GLT1D1: variants seen among roughly 807,000 people sequenced by gnomAD.
GLT1D1 encodes glycosyltransferase 1 domain containing 1.
A neutral mutation model predicts 28.7 loss-of-function variants in GLT1D1; 21 were observed. The ratio of observed to expected loss-of-function variants is 0.73; its 90% CI spans 0.52 to 1.05. The LOEUF (loss-of-function observed/expected upper bound fraction) is 1.05. GLT1D1 is among the 50% of genes least tolerant of loss of function. The probability of loss-of-function intolerance (pLI) is 0.00; values close to 1 mark genes in which losing one functional copy is unlikely to be tolerated. For synonymous variants in GLT1D1, 147 were observed against 124.8 expected, an observed-to-expected ratio of 1.18 and a Z score of -1.19; for missense variants, 343 against 330.6, an observed-to-expected ratio of 1.04 and a Z score of -0.29.
intron 7 of GLT1D1, among the ~76,000 whole-genome samples, chr12:128,981,805 C>T: frequency 6.6e-6 from 1 of 152,084 alleles, no homozygotes; most frequent in East Asian, 1.9e-4. Flanking sequence ...CTCTCAACAC[C>T]CTAGGAAAGA....
chr12:128,863,224 G>C (rs554849931), intron 1 of GLT1D1, among the ~76,000 whole-genome samples: 1 of 152,148 alleles, frequency 6.6e-6, no homozygotes, highest in South Asian at 2.1e-4. Context: ...ATCGAACACC[G>C]ATAGACTGCT....
At chr12:128,974,399 G>C (rs1020459262) in intron 7 of GLT1D1, among the ~76,000 whole-genome samples, 1 of 152,110 alleles carries the variant, frequency 6.6e-6, no homozygotes, top group Admixed American at 6.5e-5. Flanking sequence ...AGAGCCCCGG[G>C]AATGGCAGGA....
chr12:128,978,021 G>A (rs149274605), intron 7 of GLT1D1, among the ~76,000 whole-genome samples: 1 of 151,810 alleles, frequency 6.6e-6, no homozygotes, highest in Admixed American at 6.6e-5. Context: ...CTGACCTCAG[G>A]TAATCTGCCC....
At chr12:128,853,822 G>T (rs1956134548) in intron 1 of GLT1D1, among the ~76,000 whole-genome samples, 173 bp downstream of exon 1, 1 of 151,978 alleles carries the variant, frequency 6.6e-6, no homozygotes, top group African/African-American at 2.4e-5. Flanking sequence ...CGCGGGGGTC[G>T]GTGCCTTCTG....
chr12:128,892,609 G>T (rs1202905578), intron 3 of GLT1D1, among the ~76,000 whole-genome samples: 2 of 152,188 alleles, frequency 1.3e-5, no homozygotes, highest in African/African-American at 4.8e-5. Flanking sequence ...GGGCAGGAAA[G>T]CTGCATGGAT....
intron 4 of GLT1D1, among the ~76,000 whole-genome samples, chr12:128,939,179 A>G (rs1386754701): frequency 1.3e-5 from 2 of 152,078 alleles, no homozygotes; most frequent in East Asian, 1.9e-4. Context: ...CTTTCAGGCA[A>G]TCAGGGAGCT....
intron 6 of GLT1D1, 152 bp downstream of exon 10, chr12:128,947,610 T>C (rs980095612): frequency 1.3e-6 from 1 of 756,524 alleles, no homozygotes; most frequent in East Asian, 2.6e-5. Flanking sequence ...TCAAAAGTAC[T>C]TTTGAAGTTC....
rs750590142 is a variant in GLT1D1 at position 128,924,201 on chromosome 12, C to G, written c.376-21125C>G. On this transcript the variant is annotated intron_variant, in intron 4 of 7. Coordinates refer to ENST00000281703, the MANE Select transcript of GLT1D1 (RefSeq NM_144669.3). Reference sequence around the variant, plus strand: ...TAACACTTTGGGAGGCCAAGGTGGGCGGATCACTTGAGGTCAGGAGTTCGA... The same window carrying G: ...TAACACTTTGGGAGGCCAAGGTGGGGGGATCACTTGAGGTCAGGAGTTCGA... 4.0e-5 allele frequency among the ~76,000 whole-genome samples: 6 copies of G among 151,866 alleles called. 1 individual carries two copies. The highest frequency in any genetic ancestry group is 8.8e-5 in the Non-Finnish European group (6 of 68,004).
intron 4 of GLT1D1, chr12:128,944,955 A>C (rs1395995807): frequency 1.8e-6 from 1 of 544,246 alleles, no homozygotes; most frequent in East Asian, 3.0e-5. Flanking sequence ...CCAGCCCCCG[A>C]CCCCCAACAG....
chr12:128,903,573 G>A lies in GLT1D1; in HGVS notation c.375+4286G>A, dbSNP rs541121743. ...TATAACATGTTTTACTTTCTTCCCCGTGCTTCTCAAGTGGTGAGCTTCTTG... is the reference window on the plus strand; with the variant it reads ...TATAACATGTTTTACTTTCTTCCCCATGCTTCTCAAGTGGTGAGCTTCTTG... On this transcript the variant is annotated intron_variant, in intron 4 of 7. Transcript: ENST00000281703. Among the ~76,000 whole-genome samples, 3 of 151,456 alleles carry A rather than the reference G, an allele frequency of 2.0e-5. No homozygotes were observed. The South Asian group carries it at 6.3e-4, about 32-fold the overall frequency.
intron 1 of GLT1D1, 79 bp from the exon 2 acceptor site, chr12:128,875,835 A>T: frequency 7.9e-7 from 1 of 1,262,196 alleles, no homozygotes; most frequent in Non-Finnish European, 1.1e-6. Flanking sequence ...AAAAAAAAAA[A>T]GTCTTAACTG....
chr12:128,888,803 T>C (rs1868696771), intron 3 of GLT1D1, 59 bp downstream of exon 3: 1 of 1,188,718 alleles, frequency 8.4e-7, no homozygotes, highest in Non-Finnish European at 1.2e-6. Context: ...ATTGAATTAA[T>C]TGAAACCAAA....
chr12:128,860,444 G>A (rs1344852975), intron 1 of GLT1D1, among the ~76,000 whole-genome samples: 1 of 152,244 alleles, frequency 6.6e-6, no homozygotes, highest in African/African-American at 2.4e-5. Context: ...CTGGGTGACA[G>A]AGTGAGACTC....
At chr12:128,912,525 TG>T (rs1871646717) in intron 4 of GLT1D1, 65 bp downstream of exon 5, 5 of 745,794 alleles carry the variant, frequency 6.7e-6, no homozygotes, top group African/African-American at 1.8e-5. Flanking sequence ...TCAAAATAGA[TG>T]CATATTTATA....
At position 128,908,841 on chromosome 12, in the gene GLT1D1, C is replaced by T. The variant is rs551499283; in HGVS notation, c.375+9554C>T. Among the ~76,000 whole-genome samples the T allele has an allele frequency of 3.7e-3, 566 of 152,060 alleles. 4 individuals are homozygous for T. The highest frequency in any genetic ancestry group is 0.013 in the African/African-American group (539 of 41,470). On this transcript the variant is annotated intron_variant, in intron 4 of 7. Coordinates refer to ENST00000281703, the MANE Select transcript of GLT1D1 (RefSeq NM_144669.3). ...ACGGGCGCCTGTAGTCCCAGCTACTCGGGAGGCTGAGGCAGGAGAATGGCG... is the reference window on the plus strand; with the variant it reads ...ACGGGCGCCTGTAGTCCCAGCTACTTGGGAGGCTGAGGCAGGAGAATGGCG...
intron 4 of GLT1D1, among the ~76,000 whole-genome samples, chr12:128,929,772 C>T (rs1873670163): frequency 6.6e-6 from 1 of 152,048 alleles, no homozygotes; most frequent in Non-Finnish European, 1.5e-5. Flanking sequence ...ACCAGCCTGG[C>T]CAACAAGGTG....
chr12:128,973,600 G>T (rs938871004), intron 7 of GLT1D1, among the ~76,000 whole-genome samples: 2 of 151,674 alleles, frequency 1.3e-5, no homozygotes, highest in Admixed American at 6.6e-5. Context: ...GCTCTAACCC[G>T]CCAAGCCGTC....
At chr12:128,884,089 AGT>A (rs1328094210) in intron 2 of GLT1D1, among the ~76,000 whole-genome samples, 1 of 152,206 alleles carries the variant, frequency 6.6e-6, no homozygotes, top group Non-Finnish European at 1.5e-5. Context: ...AAATGAAATC[AGT>A]GTGTGGAAGA....
chr12:128,875,135 A>C (rs1002855549), intron 1 of GLT1D1, among the ~76,000 whole-genome samples: 1 of 151,344 alleles, frequency 6.6e-6, no homozygotes, highest in African/African-American at 2.4e-5. Context: ...TTTTGAAGCT[A>C]TGATAATAGG....
Sources: gnomAD v4.1 joint callset for allele counts (sites outside exome capture counted in the v4.1 genomes callset) on GRCh38, gnomAD v4.1.1 for gene constraint, MANE v1.5 for transcripts, NCBI Gene and HGNC (gene_info 2026-07-23, HGNC 2026-07-21) for gene names.